The following MRAS variants were observed in gnomAD, a reference collection of about 807,000 sequenced individuals.
MRAS encodes ras-related protein M-Ras.
Under a neutral mutation model 20.9 loss-of-function variants are expected in MRAS, and 4 were observed. The observed-to-expected ratio is 0.19, with a 90% CI of 0.09 to 0.44. The LOEUF (loss-of-function observed/expected upper bound fraction) is 0.44. MRAS is among the 20% of genes least tolerant of loss of function. The pLI is 0.99. For missense variants in MRAS, 154 were observed against 277.5 expected (o/e 0.56, Z 3.16); for synonymous variants, 98 against 102.9 (o/e 0.95, Z 0.29).
rs553229518 is a variant in MRAS, at chr3:138,394,688, C to T, written c.194-2636C>T. The stretch of plus-strand genomic sequence containing the variant: ...GTGTCAAAAACTGAGTCCCCCAAAC[C>T]CTGTTTCTCACCCAGACTTCCCCAC... On this transcript the variant is annotated intron_variant, in intron 2 of 5. Coordinates refer to ENST00000423968, the MANE Select transcript of MRAS (RefSeq NM_001085049.3). 7.9e-5 allele frequency among the ~76,000 whole-genome samples: 12 copies of T among 152,324 alleles called. No homozygotes were observed. The South Asian group carries it at 2.5e-3, about 32-fold the overall frequency.
intron 2 of MRAS, among the ~76,000 whole-genome samples, chr3:138,379,471 C>T (rs2054855503): frequency 6.6e-6 from 1 of 150,762 alleles, no homozygotes. Context: ...AATTCTCCTG[C>T]CTAAGCCTCC....
In MRAS at chr3:138,402,281, C is replaced by T. The variant is rs750279934; in HGVS notation, c.*12C>T. 3 of 1,611,782 alleles carry T rather than the reference C, an allele frequency of 1.9e-6. No individual in the cohort carries two copies. The African/African-American group carries it at 4.0e-5, about 21-fold the overall frequency. ...GTGTGATCTTGTGACAGGCCTGAGG[C>T]CCTGGGCACAGTGACGGTGGCCTGG... On this transcript the variant is annotated 3_prime_UTR_variant, in exon 6 of 6. Coordinates refer to ENST00000423968, the MANE Select transcript of MRAS (RefSeq NM_001085049.3).
At chr3:138,362,978 A>G (rs181756264) in intron 1 of MRAS, among the ~76,000 whole-genome samples, 3 of 152,030 alleles carry the variant, frequency 2.0e-5, no homozygotes, top group East Asian at 3.9e-4. Flanking sequence ...GCCTCCATGC[A>G]TTACACTTTT....
At chr3:138,362,159 C>T (rs1473313164) in intron 1 of MRAS, among the ~76,000 whole-genome samples, 2 of 152,184 alleles carry the variant, frequency 1.3e-5, no homozygotes, top group Non-Finnish European at 1.5e-5. Flanking sequence ...GGGAATATTG[C>T]TCTGAAGGTT....
At chr3:138,373,909 A>ATTTAT (rs1490979686) in intron 2 of MRAS, among the ~76,000 whole-genome samples, 1 of 149,070 alleles carries the variant, frequency 6.7e-6, no homozygotes, top group Non-Finnish European at 1.5e-5. Context: ...TTATTTGTTT[A>ATTTAT]TTTGGGTCTT....
At chr3:138,362,466 T>C (rs957567408) in intron 1 of MRAS, among the ~76,000 whole-genome samples, 6 of 152,108 alleles carry the variant, frequency 3.9e-5, no homozygotes, top group Admixed American at 2.0e-4. Context: ...CCATCCCCTT[T>C]CCCATCCCCT....
At chr3:138,400,639 C>A in intron 5 of MRAS, 26 bp downstream of exon 5, 1 of 1,575,958 alleles carries the variant, frequency 6.3e-7, no homozygotes, top group Non-Finnish European at 8.7e-7. Flanking sequence ...TCCCTAGAAG[C>A]GGGCCTCCAC....
Position 138,402,470 on chromosome 3 carries a change from C to A in MRAS, c.*201C>A, listed in dbSNP as rs2108570570. On this transcript the variant is annotated 3_prime_UTR_variant, in exon 6 of 6. Coordinates refer to ENST00000423968, the MANE Select transcript of MRAS (RefSeq NM_001085049.3). The stretch of plus-strand genomic sequence containing the variant: ...CGGGCTTTCCCACCTCTCAAAGAGA[C>A]AAGGAAGCCACCTGTAAGCAGAAGC... The A allele has an allele frequency of 1.9e-6, 1 of 530,696 alleles. No individual in the cohort carries two copies. The highest frequency in any genetic ancestry group is 3.1e-5 in the East Asian group (1 of 32,176). The allele number at this position is 530,696 out of a possible 1,614,324, so 32.9% of individuals were successfully genotyped here.
chr3:138,400,293 G>C (rs1430572142), intron 4 of MRAS: 1 of 439,668 alleles, frequency 2.3e-6, no homozygotes, highest in Non-Finnish European at 4.0e-6. Flanking sequence ...CTATTTTTAG[G>C]GAGCTATTAA....
At chr3:138,361,504 A>G (rs2054446826) in intron 1 of MRAS, among the ~76,000 whole-genome samples, 1 of 152,220 alleles carries the variant, frequency 6.6e-6, no homozygotes, top group African/African-American at 2.4e-5. Flanking sequence ...TGCACTGCCA[A>G]GGGAGAAAAA....
At chr3:138,397,252 T>C in intron 2 of MRAS, 72 bp from the exon 3 acceptor site, 1 of 1,549,488 alleles carries the variant, frequency 6.5e-7, no homozygotes, top group Non-Finnish European at 8.8e-7. Flanking sequence ...AGCAGCAGTG[T>C]TGGAGTCTTG....
In MRAS at chr3:138,402,318, G is replaced by C; in HGVS notation, c.*49G>C. 1 of 1,508,040 alleles carries C rather than the reference G, an allele frequency of 6.6e-7. No individual in the cohort carries two copies. Among genetic ancestry groups the C allele is most frequent in the East Asian group, 2.3e-5 (1 of 44,268 alleles). 93.4% of individuals were successfully genotyped at this position (1,508,040 alleles called of 1,614,324 possible). A position where few individuals can be genotyped will look rare whatever the true frequency, so the allele number is the denominator to read the frequency against. On this transcript the variant is annotated 3_prime_UTR_variant, in exon 6 of 6. Transcript: ENST00000423968. Reference sequence around the variant, plus strand: ...TGACGGTGGCCTGGCCAGCCCTCGGGACCCCTCCCCACCTAACTGCACTGA... The same window carrying C: ...TGACGGTGGCCTGGCCAGCCCTCGGCACCCCTCCCCACCTAACTGCACTGA...
At chr3:138,390,707 G>C (rs1290161635) in intron 2 of MRAS, among the ~76,000 whole-genome samples, 1 of 152,336 alleles carries the variant, frequency 6.6e-6, no homozygotes, top group Middle Eastern at 3.4e-3. Context: ...GGGTGGGCTA[G>C]TCCCACTTGG....
intron 2 of MRAS, among the ~76,000 whole-genome samples, chr3:138,388,076 C>A (rs2055054463): frequency 6.6e-6 from 1 of 152,210 alleles, no homozygotes; most frequent in Non-Finnish European, 1.5e-5. Context: ...TAGCCCCCTT[C>A]CCCTTGGGGA....
Position 138,397,405 on chromosome 3 carries a change from A to G in MRAS, c.275A>G (p.Tyr92Cys), listed in dbSNP as rs775370867. ...MRTGDGFLIV[Y>C]SVTDKASFEH... ...ACGGGGGATGGCTTCCTCATCGTCT[A>G]CTCCGTCACTGACAAGGCCAGCTTT... Residue 92 changes from tyrosine to cysteine, a missense_variant, in exon 3 of 6, where the codon TAC (tyrosine) becomes TGC (cysteine). Coordinates refer to ENST00000423968, the MANE Select transcript of MRAS (RefSeq NM_001085049.3). 3 of 1,613,990 alleles carry G rather than the reference A, an allele frequency of 1.9e-6. No homozygotes were observed. Among genetic ancestry groups the G allele is most frequent in the African/African-American group, 1.3e-5 (1 of 74,996 alleles).
chr3:138,397,421 G>A lies in MRAS; in HGVS notation c.291G>A (p.Lys97=), dbSNP rs548156011. ...GFLIVYSVTD[K]ASFEHVDRFH... is the part of the protein sequence containing the mutation. The stretch of plus-strand genomic sequence containing the variant: ...TCATCGTCTACTCCGTCACTGACAA[G>A]GCCAGCTTTGAGCACGTGGACCGCT... The change falls in exon 3 of 6, where the codon AAG becomes AAA. Residue 97 remains lysine, a synonymous_variant. Transcript: ENST00000423968. The A allele has an allele frequency of 8.4e-5, 136 of 1,614,064 alleles. No homozygotes were observed. The highest frequency in any genetic ancestry group is 1.0e-4 in the Non-Finnish European group (121 of 1,180,038).
intron 2 of MRAS, among the ~76,000 whole-genome samples, chr3:138,383,019 C>T (rs1029465455): frequency 5.9e-5 from 9 of 152,214 alleles, no homozygotes; most frequent in Admixed American, 4.6e-4. Flanking sequence ...TGGGGCTCCT[C>T]CTCCCTTTGG....
In MRAS at chr3:138,385,156, A is replaced by AT. The variant is rs34770279; in HGVS notation, c.193+12108dup. On this transcript the variant is annotated intron_variant, in intron 2 of 5. Transcript: ENST00000423968. Reference sequence around the variant, plus strand: ...CCAAGGGGCGGGGTTTTGATTTGTAATTTTTTTTTTTTTTTTTTTTTTTTT... The same window carrying AT: ...CCAAGGGGCGGGGTTTTGATTTGTAATTTTTTTTTTTTTTTTTTTTTTTTTT... 4.8e-3 allele frequency among the ~76,000 whole-genome samples: 320 copies of AT among 66,494 alleles called. 4 individuals are homozygous for AT. The highest frequency in any genetic ancestry group is 9.5e-3 in the African/African-American group (146 of 15,422). 43.6% of individuals were successfully genotyped at this position (66,494 alleles called of 152,430 possible).
chr3:138,398,592 G>A (rs1401607796), intron 4 of MRAS, 24 bp downstream of exon 4: 12 of 1,605,950 alleles, frequency 7.5e-6, no homozygotes, highest in Non-Finnish European at 9.4e-6. Context: ...TGTGTGTAGA[G>A]GGGGTCAGGA....
Sources: allele counts gnomAD v4.1 joint callset (sites outside exome capture counted in the v4.1 genomes callset), GRCh38; gene constraint gnomAD v4.1.1; transcripts MANE v1.5; gene names NCBI Gene and HGNC (gene_info 2026-07-23, HGNC 2026-07-21).